CNTNAP2: variants seen among roughly 807,000 people sequenced by gnomAD.
CNTNAP2 encodes the protein contactin-associated protein-like 2.
CNTNAP2 carries 98 observed loss-of-function variants against 155.2 expected under a neutral mutation model. The observed-to-expected ratio is 0.63, with a 90% CI of 0.54 to 0.75. CNTNAP2 has a LOEUF of 0.75. Ranked by LOEUF, CNTNAP2 falls within the 30% of genes least tolerant of loss-of-function variation. The pLI is 0.00. For synonymous variants in CNTNAP2, 651 were observed against 631.2 expected, an observed-to-expected ratio of 1.03 and a Z score of -0.47; for missense variants, 1,727 against 1,688.1, an observed-to-expected ratio of 1.02 and a Z score of -0.40.
chr7:148,080,741 TA>T (rs1803585574), intron 15 of CNTNAP2, among the ~76,000 whole-genome samples: 1 of 152,148 alleles, frequency 6.6e-6, no homozygotes, highest in Admixed American at 6.5e-5. Flanking sequence ...ATATTTTATC[TA>T]GGAACACTTT....
intron 1 of CNTNAP2, among the ~76,000 whole-genome samples, chr7:146,742,118 C>A (rs1016383711): frequency 3.3e-5 from 5 of 150,596 alleles, no homozygotes; most frequent in African/African-American, 1.2e-4. Context: ...TCCAGTGAGC[C>A]AGTTTGTGGC....
intron 15 of CNTNAP2, among the ~76,000 whole-genome samples, chr7:147,980,643 G>A (rs999007035): frequency 1.1e-4 from 16 of 152,072 alleles, no homozygotes; most frequent in African/African-American, 3.4e-4. Flanking sequence ...ATGTTCTCAC[G>A]GCCGGGCGCG....
At chr7:147,923,384 T>TG (rs1800319897) in intron 14 of CNTNAP2, among the ~76,000 whole-genome samples, 1 of 152,074 alleles carries the variant, frequency 6.6e-6, no homozygotes, top group African/African-American at 2.4e-5. Flanking sequence ...AACACCACGT[T>TG]GGGAGGGAGG....
intron 1 of CNTNAP2, among the ~76,000 whole-genome samples, chr7:146,130,956 A>T (rs549346015): frequency 1.3e-5 from 2 of 152,254 alleles, no homozygotes; most frequent in African/African-American, 4.8e-5. Flanking sequence ...AGTCACCCCC[A>T]ACCAGGTTTC....
intron 1 of CNTNAP2, among the ~76,000 whole-genome samples, chr7:146,371,587 G>A (rs529903864): frequency 6.6e-6 from 1 of 151,454 alleles, no homozygotes; most frequent in Non-Finnish European, 1.5e-5. Context: ...CCATGGTCTC[G>A]ATCTCCTGAC....
intron 3 of CNTNAP2, among the ~76,000 whole-genome samples, chr7:146,865,045 T>C (rs1165369685): frequency 7.0e-6 from 1 of 143,188 alleles, no homozygotes; most frequent in African/African-American, 2.6e-5. Flanking sequence ...GGTTATAAGA[T>C]TAATACAAAA....
intron 4 of CNTNAP2, among the ~76,000 whole-genome samples, chr7:147,078,877 G>A (rs965559099): frequency 4.0e-5 from 6 of 151,894 alleles, no homozygotes; most frequent in Admixed American, 3.3e-4. Flanking sequence ...AGTCTCCCGA[G>A]TAGCTGGGAT....
intron 14 of CNTNAP2, among the ~76,000 whole-genome samples, chr7:147,915,522 A>G (rs752327603): frequency 6.6e-6 from 1 of 152,134 alleles, no homozygotes; most frequent in Non-Finnish European, 1.5e-5. Context: ...AAGATTGTTG[A>G]TATTCAAATA....
At chr7:146,605,108 AT>A (rs1274100865) in intron 1 of CNTNAP2, among the ~76,000 whole-genome samples, 3 of 150,742 alleles carry the variant, frequency 2.0e-5, no homozygotes, top group Admixed American at 6.6e-5. Context: ...AGAAAAAAAA[AT>A]ACTGCAATAT....
At chr7:147,663,081 C>A (rs911490833) in intron 13 of CNTNAP2, among the ~76,000 whole-genome samples, 5 of 152,172 alleles carry the variant, frequency 3.3e-5, no homozygotes, top group African/African-American at 9.7e-5. Flanking sequence ...TCACTGCAAC[C>A]TCCACTTCCC....
intron 19 of CNTNAP2, among the ~76,000 whole-genome samples, chr7:148,229,138 G>C (rs1795912684): frequency 6.6e-6 from 1 of 152,188 alleles, no homozygotes; most frequent in Admixed American, 6.5e-5. Flanking sequence ...GCCTGGTGCT[G>C]TCAGCCGATA....
intron 1 of CNTNAP2, among the ~76,000 whole-genome samples, chr7:146,132,960 C>T (rs369668719): frequency 3.1e-4 from 46 of 147,482 alleles, no homozygotes; most frequent in Non-Finnish European, 5.8e-4. Flanking sequence ...ATGGTATTTC[C>T]AGTTCTAGAT....
intron 1 of CNTNAP2, among the ~76,000 whole-genome samples, chr7:146,656,823 A>G (rs1800003030): frequency 6.6e-6 from 1 of 152,216 alleles, no homozygotes. Flanking sequence ...ATGATTGCCC[A>G]AAAGACTGAA....
At chr7:147,169,182 AG>A (rs1241385241) in intron 8 of CNTNAP2, among the ~76,000 whole-genome samples, 10 of 152,342 alleles carry the variant, frequency 6.6e-5, no homozygotes, top group African/African-American at 2.4e-4. Flanking sequence ...TCTTGGCTTA[AG>A]AAAACTAATA....
intron 1 of CNTNAP2, among the ~76,000 whole-genome samples, chr7:146,433,393 C>T (rs1215992836): frequency 6.6e-6 from 1 of 152,012 alleles, no homozygotes; most frequent in Non-Finnish European, 1.5e-5. Context: ...TAGAAAAGCT[C>T]GAGGAGACAA....
chr7:147,064,628 T>C (rs953231090), intron 4 of CNTNAP2, among the ~76,000 whole-genome samples: 1 of 152,174 alleles, frequency 6.6e-6, no homozygotes, highest in Non-Finnish European at 1.5e-5. Flanking sequence ...TCACAGTTCT[T>C]ATAGTGTATT....
intron 13 of CNTNAP2, among the ~76,000 whole-genome samples, chr7:147,902,798 GTGTGTGTGTGTGTGTA>G (rs779080897): frequency 0.13 from 16,708 of 131,996 alleles, 1,026 homozygotes; most frequent in Middle Eastern, 0.18. Flanking sequence ...GTGTGTGTGT[GTGTGTGTGTGTGTGTA>G]TGTGTGTGTG....
chr7:147,083,522 T>TTATATA, intron 4 of CNTNAP2, among the ~76,000 whole-genome samples: 1 of 117,904 alleles, frequency 8.5e-6, no homozygotes, highest in African/African-American at 2.7e-5. Flanking sequence ...AAACATCATT[T>TTATATA]TATATATATA....
chr7:147,568,626 A>G (rs1012828877), intron 12 of CNTNAP2, among the ~76,000 whole-genome samples: 2 of 152,134 alleles, frequency 1.3e-5, no homozygotes, highest in Non-Finnish European at 1.5e-5. Context: ...GCTCCCTCTG[A>G]AAATTTGGTG....
Sources: gnomAD v4.1 joint callset for allele counts (sites outside exome capture counted in the v4.1 genomes callset) on GRCh38, gnomAD v4.1.1 for gene constraint, MANE v1.5 for transcripts, NCBI Gene and HGNC (gene_info 2026-07-23, HGNC 2026-07-21) for gene names.